COCH: variants seen among roughly 807,000 people sequenced by gnomAD.
COCH encodes coagulation factor C homolog, cochlin (Limulus polyphemus).
In COCH, 40 loss-of-function variants were observed where a neutral mutation model predicts 54.8. The ratio of observed to expected loss-of-function variants is 0.73; its 90% CI spans 0.57 to 0.95. The LOEUF is 0.95. COCH is among the 40% of genes least tolerant of loss of function. The probability of loss-of-function intolerance (pLI) is 0.00; values close to 1 mark genes in which losing one functional copy is unlikely to be tolerated. For missense variants in COCH, 605 were observed against 675.0 expected, an observed-to-expected ratio of 0.90 and a Z score of 1.15; for synonymous variants, 256 against 237.9, an observed-to-expected ratio of 1.08 and a Z score of -0.70.
In COCH at chr14:30,880,840, C is replaced by G. The variant is rs1004055899; in HGVS notation, c.629+106C>G. ...GTACATAGTGATGTTTTCATACATA[C>G]AATGTATAGTGGTCAAATCAGAGTA... On this transcript the variant is annotated intron_variant, in intron 8 of 11. Transcript: ENST00000396618. The G allele has an allele frequency of 8.5e-6, 7 of 828,398 alleles. No individual in the cohort carries two copies. In the African/African-American group the frequency reaches 8.5e-5, roughly 10 times the overall value. 51.3% of individuals were successfully genotyped at this position (828,398 alleles called of 1,614,324 possible). A position where few individuals can be genotyped will look rare whatever the true frequency, so the allele number is the denominator to read the frequency against.
At chr14:30,881,171 C>T (rs987050726) in intron 8 of COCH, among the ~76,000 whole-genome samples, 5 of 146,548 alleles carry the variant, frequency 3.4e-5, no homozygotes, top group African/African-American at 1.3e-4. Context: ...GCCGAGATTG[C>T]ACCACTGCAC....
At chr14:30,874,644 T>C in intron 1 of COCH, 53 bp downstream of exon 1, 2 of 562,322 alleles carry the variant, frequency 3.6e-6, no homozygotes, top group Non-Finnish European at 6.4e-6. Context: ...GACGCCTCTG[T>C]CCCTGTTTCT....
At chr14:30,880,196 T>G (rs1204394228) in intron 6 of COCH, among the ~76,000 whole-genome samples, 1 of 152,220 alleles carries the variant, frequency 6.6e-6, no homozygotes, top group Non-Finnish European at 1.5e-5. Context: ...GATTTAATGT[T>G]GAGTTCCTGC....
chr14:30,885,974 A>G lies in COCH; in HGVS notation c.1139A>G (p.Asp380Gly). ...FLIDGSSSVG[D>G]SNFRLMLEFV... ...ATTGATGGCTCCAGCAGTGTTGGAG[A>G]TAGCAATTTCCGCCTCATGCTTGAA... The change falls in exon 11 of 12, where the codon GAT becomes GGT. Residue 380 changes from aspartate (D) to glycine (G), a missense_variant. Coordinates refer to ENST00000396618, the MANE Select transcript of COCH (RefSeq NM_004086.3). 6.2e-7 allele frequency: 1 copy of G among 1,614,156 alleles called. No individual in the cohort carries two copies. Among genetic ancestry groups the G allele is most frequent in the Non-Finnish European group, 8.5e-7 (1 of 1,180,018 alleles).
In COCH at chr14:30,875,122, G is replaced by T. The variant is rs746291086; in HGVS notation, c.82+19G>T. 1.3e-6 allele frequency: 2 copies of T among 1,553,784 alleles called. No homozygotes were observed. Among genetic ancestry groups the T allele is most frequent in the South Asian group, 2.4e-5 (2 of 84,940 alleles). Reference sequence around the variant, plus strand: ...GGAGCCGGTGAGTGGGGGAGCTGGGGTGCGTCCAGGCGGTCGCAGGGGCTG... The same window carrying T: ...GGAGCCGGTGAGTGGGGGAGCTGGGTTGCGTCCAGGCGGTCGCAGGGGCTG... On this transcript the variant is annotated intron_variant, in intron 3 of 11. Transcript: ENST00000396618.
intron 9 of COCH, chr14:30,885,192 T>C: frequency 9.5e-7 from 1 of 1,057,236 alleles, no homozygotes; most frequent in Non-Finnish European, 1.4e-6. Context: ...TGAAGATAAA[T>C]AGGCCTGGTA....
intron 11 of COCH, among the ~76,000 whole-genome samples, chr14:30,887,381 G>A (rs1895824518): frequency 6.7e-6 from 1 of 150,218 alleles, no homozygotes; most frequent in Admixed American, 6.6e-5. Flanking sequence ...GCGACAGAGT[G>A]AGACTCTGTC....
In COCH at chr14:30,878,967, T is replaced by C. The variant is rs77118076; in HGVS notation, c.373+23T>C. ...CTAGTAGGTATAATTATTGTTCTCA[T>C]TCTGTAATATTCTCCCACCCCCCAA... On this transcript the variant is annotated intron_variant, in intron 5 of 11. Coordinates refer to ENST00000396618, the MANE Select transcript of COCH (RefSeq NM_004086.3). 301 of 1,613,040 alleles carry C rather than the reference T, an allele frequency of 1.9e-4. No homozygotes were observed. In the East Asian group the frequency reaches 5.9e-3, roughly 32 times the overall value.
chr14:30,877,726 C>T lies in COCH; in HGVS notation c.237C>T (p.His79=), dbSNP rs764134844. Residue 79 remains histidine (H), a splice_region_variant and synonymous_variant, in exon 4 of 12, where the codon CAC becomes CAT. Coordinates refer to ENST00000396618, the MANE Select transcript of COCH (RefSeq NM_004086.3). The surrounding 1 kb of genome is among the most constrained non-coding windows in gnomAD (Gnocchi z 8.6). ...CGAGCATATGTGGGGCTGCTGTCCACAGGTAAGCCCAAACACACCAGGGTG... is the reference window on the plus strand; with the variant it reads ...CGAGCATATGTGGGGCTGCTGTCCATAGGTAAGCCCAAACACACCAGGGTG... The part of the protein sequence containing the change: ...SVSSICGAAV[H]RGVISNSGGP... The T allele has an allele frequency of 2.5e-6, 4 of 1,614,180 alleles. No individual in the cohort carries two copies. The highest frequency in any genetic ancestry group is 3.4e-6 in the Non-Finnish European group (4 of 1,180,034).
chr14:30,881,075 TG>T (rs1895563521), intron 8 of COCH, among the ~76,000 whole-genome samples: 1 of 151,844 alleles, frequency 6.6e-6, no homozygotes, highest in Admixed American at 6.6e-5. Context: ...ATTAGCCAGA[TG>T]TGGTGGCATG....
At chr14:30,875,534 A>C in intron 3 of COCH, 1 of 497,578 alleles carries the variant, frequency 2.0e-6, no homozygotes, top group Non-Finnish European at 3.5e-6. Context: ...TAGCCGAGAG[A>C]GAGGGAGGCG....
chr14:30,894,008 ACAAAACTCAT>A (rs1440918038), downstream of COCH: 3 of 152,622 alleles, frequency 2.0e-5, no homozygotes, highest in Non-Finnish European at 2.9e-5. Flanking sequence ...CAAAAACCTT[ACAAAACTCAT>A]CAAAACTCGC....
At chr14:30,892,039 T>G (rs1302908788), downstream of COCH, among the ~76,000 whole-genome samples, 1 of 152,100 alleles carries the variant, frequency 6.6e-6, no homozygotes, top group Non-Finnish European at 1.5e-5. Context: ...AAAAACAACA[T>G]GAAATGAGAG....
In COCH at chr14:30,889,986, A is replaced by G. The variant is rs1365070488; in HGVS notation, c.*195A>G. 7.5e-7 allele frequency: 1 copy of G among 1,327,676 alleles called. No individual in the cohort carries two copies. 82.2% of individuals were successfully genotyped at this position (1,327,676 alleles called of 1,614,324 possible). A position where few individuals can be genotyped will look rare whatever the true frequency, so the allele number is the denominator to read the frequency against. ...TACAATTTACAGTGTACTTTGTTAA[A>G]AACACTGCTGAGGCTTCATAATCAT... On this transcript the variant is annotated 3_prime_UTR_variant, in exon 12 of 12. Coordinates refer to ENST00000396618, the MANE Select transcript of COCH (RefSeq NM_004086.3).
intron 10 of COCH, 33 bp downstream of exon 10, chr14:30,885,653 G>C (rs137925937): frequency 6.8e-7 from 1 of 1,475,712 alleles, no homozygotes; most frequent in African/African-American, 1.4e-5. Context: ...CTGTTACAGT[G>C]ATGGGTATTC....
At chr14:30,878,662 T>TA in intron 4 of COCH, 149 bp from the exon 5 acceptor site, 1 of 1,179,758 alleles carries the variant, frequency 8.5e-7, no homozygotes, top group Non-Finnish European at 1.2e-6. Context: ...ATCAAATAAA[T>TA]AAATAAATAA....
chr14:30,887,702 C>A (rs755545465), intron 11 of COCH, among the ~76,000 whole-genome samples: 2 of 152,178 alleles, frequency 1.3e-5, no homozygotes, highest in East Asian at 3.9e-4. Flanking sequence ...AATGACATAA[C>A]CTTTTTCCTT....
In COCH at chr14:30,884,566, A is replaced by G. The variant is rs1441125592; in HGVS notation, c.643A>G (p.Ile215Val). 6.2e-7 allele frequency: 1 copy of G among 1,612,206 alleles called. No homozygotes were observed. The highest frequency in any genetic ancestry group is 1.3e-5 in the African/African-American group (1 of 74,860). ...GLVQASEHPK[I>V]EFYLKNFTSA... ...TCTTCCACTCAGTGAACATCCCAAAATAGAATTTTACTTGAAAAACTTTAC... is the reference window on the plus strand; with the variant it reads ...TCTTCCACTCAGTGAACATCCCAAAGTAGAATTTTACTTGAAAAACTTTAC... Residue 215 changes from isoleucine (I) to valine (V), a missense_variant, in exon 9 of 12, where the codon ATA (isoleucine) becomes GTA (valine). Ile to Val is a conservative substitution (Grantham distance 29). Coordinates refer to ENST00000396618, the MANE Select transcript of COCH (RefSeq NM_004086.3).
downstream of COCH, among the ~76,000 whole-genome samples, chr14:30,892,037 C>T (rs1207220210): frequency 1.3e-5 from 2 of 152,088 alleles, no homozygotes; most frequent in Non-Finnish European, 2.9e-5. Context: ...AGAAAAACAA[C>T]ATGAAATGAG....
Sources: allele counts gnomAD v4.1 joint callset (sites outside exome capture counted in the v4.1 genomes callset), GRCh38; gene constraint gnomAD v4.1.1; non-coding constraint Gnocchi (gnomAD v3.1); transcripts MANE v1.5; gene names NCBI Gene and HGNC (gene_info 2026-07-23, HGNC 2026-07-21).